RIMBP2: variants seen among roughly 807,000 people sequenced by gnomAD.
The protein encoded by RIMBP2 is RIMS-binding protein 2.
Under a neutral mutation model 118.6 loss-of-function variants are expected in RIMBP2, and 48 were observed. The ratio of observed to expected loss-of-function variants is 0.40; its 90% confidence interval spans 0.32 to 0.51. The LOEUF (loss-of-function observed/expected upper bound fraction) is 0.51, where lower values mean the gene tolerates loss of function less well. Among genes scored for constraint, RIMBP2 ranks in the 20% least tolerant of loss-of-function variants. RIMBP2 has a pLI of 0.41. For missense variants in RIMBP2, 1,551 were observed against 1,768.3 expected, an observed-to-expected ratio of 0.88 and a Z score of 2.20; for synonymous variants, 762 against 742.9, an observed-to-expected ratio of 1.03 and a Z score of -0.42.
At chr12:130,553,907 A>G (rs1022871303) in intron 2 of RIMBP2, among the ~76,000 whole-genome samples, 1 of 152,224 alleles carries the variant, frequency 6.6e-6, no homozygotes, top group Admixed American at 6.5e-5. Context: ...TGGTGGCCTC[A>G]AAGAATATAG....
At chr12:130,706,733 C>A (rs958012394) in intron 1 of RIMBP2, among the ~76,000 whole-genome samples, 2 of 152,064 alleles carry the variant, frequency 1.3e-5, no homozygotes, top group African/African-American at 4.8e-5. Flanking sequence ...GAGTGCAGAA[C>A]AGGCCTGGGG....
intron 2 of RIMBP2, among the ~76,000 whole-genome samples, chr12:130,604,582 C>CTTTTTTTTT (rs777097560): frequency 0.024 from 1,616 of 67,040 alleles, 359 homozygotes; most frequent in Middle Eastern, 0.088. Flanking sequence ...TGCCCCTTTT[C>CTTTTTTTTT]TTTCTTTTTT....
At chr12:130,497,600 G>A (rs895358196) in intron 4 of RIMBP2, among the ~76,000 whole-genome samples, 1 of 152,218 alleles carries the variant, frequency 6.6e-6, no homozygotes, top group African/African-American at 2.4e-5. Flanking sequence ...AGGAGCTGGG[G>A]AGAGGCTGAG....
At chr12:130,499,589 G>A (rs1185032710) in intron 4 of RIMBP2, among the ~76,000 whole-genome samples, 1 of 152,028 alleles carries the variant, frequency 6.6e-6, no homozygotes, top group Non-Finnish European at 1.5e-5. Context: ...TTCTACTCCT[G>A]CACCTCGGGC....
chr12:130,552,875 G>A (rs557686583), intron 2 of RIMBP2, among the ~76,000 whole-genome samples: 34 of 152,202 alleles, frequency 2.2e-4, no homozygotes, highest in Non-Finnish European at 2.1e-4. Context: ...ACAGGTCGCC[G>A]GGCGTGGTGG....
Position 130,422,190 on chromosome 12 carries a change from C to A in RIMBP2, c.3238+263G>T, listed in dbSNP as rs761429531. 4.6e-5 allele frequency among the ~76,000 whole-genome samples: 7 copies of A among 152,160 alleles called. No homozygotes were observed. Among genetic ancestry groups the A allele is most frequent in the East Asian group, 1.9e-4 (1 of 5,188 alleles). The stretch of plus-strand genomic sequence containing the variant: ...AGGGAGGTGACACAAAGTGGTCCCC[C>A]CTTCAGTGCTTACCCTGTGAAGCTC... On this transcript the variant is annotated intron_variant, in intron 17 of 22. Coordinates refer to ENST00000690449, the MANE Select transcript of RIMBP2 (RefSeq NM_001393629.1). This position sits in a 1 kb window ranked among gnomAD's most constrained non-coding sequence, Gnocchi z 5.2.
chr12:130,426,258 C>G (rs959899592), intron 15 of RIMBP2: 1 of 151,978 alleles, frequency 6.6e-6, no homozygotes, highest in Non-Finnish European at 1.5e-5. Flanking sequence ...ACCCAGAAAT[C>G]CAGACCTGCC....
intron 1 of RIMBP2, among the ~76,000 whole-genome samples, chr12:130,704,370 G>A (rs2065996300): frequency 6.6e-6 from 1 of 152,214 alleles, no homozygotes; most frequent in South Asian, 2.1e-4. Context: ...GAGGTCAGGA[G>A]TTTGAGACCA....
At chr12:130,664,388 T>TGCAC (rs139768825) in intron 1 of RIMBP2, among the ~76,000 whole-genome samples, 39,472 of 105,314 alleles carry the variant, frequency 0.37, 6,700 homozygotes, top group Non-Finnish European at 0.46. Flanking sequence ...CGCACGCGCA[T>TGCAC]GCACACACAC....
At chr12:130,405,408 T>G (rs1382845313) in intron 21 of RIMBP2, among the ~76,000 whole-genome samples, 1 of 152,194 alleles carries the variant, frequency 6.6e-6, no homozygotes, top group African/African-American at 2.4e-5. Context: ...TTGCCGATTC[T>G]GATAAAGGCG....
At position 130,621,768 on chromosome 12, in the gene RIMBP2, G is replaced by A. The variant is rs1030721914; in HGVS notation, c.-217+6554C>T. Among the ~76,000 whole-genome samples the A allele has an allele frequency of 3.3e-5, 5 of 152,018 alleles. No individual in the cohort carries two copies. Among genetic ancestry groups the A allele is most frequent in the South Asian group, 4.2e-4 (2 of 4,814 alleles). ...TAGCTGGAAGTGTGACTATTTCCTC[G>A]ACATTTCCAAAACTCTTGCCAAACA... On this transcript the variant is annotated intron_variant, in intron 2 of 22. Transcript: ENST00000690449. This position sits in a 1 kb window ranked among gnomAD's most constrained non-coding sequence, Gnocchi z 6.6.
intron 22 of RIMBP2, 79 bp from the exon 23 acceptor site, chr12:130,397,628 C>T (rs919428961): frequency 3.8e-5 from 15 of 397,366 alleles, no homozygotes; most frequent in Admixed American, 8.8e-5. Flanking sequence ...GTACTGTCCC[C>T]GTTTCCCACC....
rs973575863 is a variant in RIMBP2, at chr12:130,649,116, G to A, written c.-351-20660C>T. Among the ~76,000 whole-genome samples the A allele has an allele frequency of 1.2e-4, 17 of 145,804 alleles. 2 individuals carry two copies. Among genetic ancestry groups the A allele is most frequent in the Non-Finnish European group, 2.5e-4 (16 of 64,354 alleles). On this transcript the variant is annotated intron_variant, in intron 1 of 22. Coordinates refer to ENST00000690449, the MANE Select transcript of RIMBP2 (RefSeq NM_001393629.1). ...TTCGTGGCGGCCGATAGGCTCAGTCGGAGGTGGGTATGGAGGTGGGTACGG... is the reference window on the plus strand; with the variant it reads ...TTCGTGGCGGCCGATAGGCTCAGTCAGAGGTGGGTATGGAGGTGGGTACGG...
intron 6 of RIMBP2, among the ~76,000 whole-genome samples, chr12:130,459,878 T>C (rs1327867242): frequency 6.6e-6 from 1 of 152,186 alleles, no homozygotes; most frequent in Non-Finnish European, 1.5e-5. Flanking sequence ...GCCTGTGTCC[T>C]ATGGGGGCCA....
chr12:130,625,086 T>G (rs1319251291), intron 2 of RIMBP2, among the ~76,000 whole-genome samples: 15 of 152,248 alleles, frequency 9.9e-5, no homozygotes, highest in Non-Finnish European at 1.5e-5. Flanking sequence ...ACACGTGATA[T>G]TTTGATACAC....
At chr12:130,679,580 G>A (rs544247361) in intron 1 of RIMBP2, among the ~76,000 whole-genome samples, 9 of 152,292 alleles carry the variant, frequency 5.9e-5, no homozygotes, top group East Asian at 5.8e-4. Context: ...CTGATGGTGC[G>A]GGTGCAGGTG....
At chr12:130,587,797 T>C (rs1857532057) in intron 2 of RIMBP2, among the ~76,000 whole-genome samples, 1 of 135,090 alleles carries the variant, frequency 7.4e-6, no homozygotes, top group African/African-American at 2.8e-5. Context: ...ACCTGCACAA[T>C]GTGCACATGT....
chr12:130,487,511 G>A (rs2082589436), intron 4 of RIMBP2, among the ~76,000 whole-genome samples: 1 of 152,142 alleles, frequency 6.6e-6, no homozygotes, highest in Non-Finnish European at 1.5e-5. Context: ...AGCTTCCTGA[G>A]GCCTCACCAG....
chr12:130,510,451 G>T (rs1416012647), intron 3 of RIMBP2, among the ~76,000 whole-genome samples: 3 of 151,882 alleles, frequency 2.0e-5, no homozygotes, highest in Non-Finnish European at 4.4e-5. Flanking sequence ...GAGGACCTCG[G>T]GGCAAGCCAA....
Sources: gnomAD v4.1 joint callset for allele counts (sites outside exome capture counted in the v4.1 genomes callset) on GRCh38, gnomAD v4.1.1 for gene constraint, Gnocchi (gnomAD v3.1) non-coding constraint, MANE v1.5 for transcripts, NCBI Gene and HGNC (gene_info 2026-07-23, HGNC 2026-07-21) for gene names.